The following BRD4 variants were observed in gnomAD, a reference collection of about 807,000 sequenced individuals.
BRD4 encodes bromodomain-containing protein 4.
BRD4 carries 16 observed loss-of-function variants against 142.1 expected under a neutral mutation model. That is an observed-to-expected ratio of 0.11 (90% CI 0.08 to 0.17). The LOEUF is 0.17. Among genes scored for constraint, BRD4 ranks in the 10% least tolerant of loss-of-function variants. BRD4 has a pLI of 1.00. For synonymous variants in BRD4, 833 were observed against 707.5 expected, an observed-to-expected ratio of 1.18 and a Z score of -2.82; for missense variants, 1,424 against 1,810.9, an observed-to-expected ratio of 0.79 and a Z score of 3.88.
chr19:15,321,391 T>C (rs1165868765), intron 1 of BRD4, among the ~76,000 whole-genome samples: 1 of 150,772 alleles, frequency 6.6e-6, no homozygotes, highest in Non-Finnish European at 1.5e-5. Flanking sequence ...GAGCTACCAC[T>C]TGGGTTGAGG....
chr19:15,323,763 C>A (rs2048084777), intron 1 of BRD4, among the ~76,000 whole-genome samples: 1 of 152,164 alleles, frequency 6.6e-6, no homozygotes, highest in African/African-American at 2.4e-5. Context: ...GAGTTTCAGC[C>A]TTGAGTGGAG....
chr19:15,295,526 T>C (rs1472605476), intron 1 of BRD4, among the ~76,000 whole-genome samples: 1 of 152,210 alleles, frequency 6.6e-6, no homozygotes, highest in Non-Finnish European at 1.5e-5. Context: ...ATCTACTTAA[T>C]GCTGAGAAAC....
At chr19:15,305,630 CA>C (rs1195792021) in intron 1 of BRD4, among the ~76,000 whole-genome samples, 1 of 152,158 alleles carries the variant, frequency 6.6e-6, no homozygotes, top group Non-Finnish European at 1.5e-5. Flanking sequence ...GTAGATTTAG[CA>C]TAATTTAGAT....
chr19:15,318,733 A>G (rs1243273947), intron 1 of BRD4, among the ~76,000 whole-genome samples: 1 of 152,208 alleles, frequency 6.6e-6, no homozygotes, highest in Non-Finnish European at 1.5e-5. Context: ...CTCCATACCA[A>G]CAGCAAATCA....
intron 11 of BRD4, among the ~76,000 whole-genome samples, chr19:15,252,386 G>A (rs1253687196): frequency 6.6e-6 from 1 of 152,250 alleles, no homozygotes; most frequent in Non-Finnish European, 1.5e-5. Flanking sequence ...CAGATGAGAA[G>A]ACTACAAAAC....
chr19:15,300,956 G>GA (rs2047862173), intron 1 of BRD4, among the ~76,000 whole-genome samples: 1 of 152,184 alleles, frequency 6.6e-6, no homozygotes, highest in South Asian at 2.1e-4. Flanking sequence ...AGAAAAACAT[G>GA]TTCACACAAA....
intron 1 of BRD4, among the ~76,000 whole-genome samples, chr19:15,293,776 A>T (rs1159155917): frequency 6.6e-6 from 1 of 152,198 alleles, no homozygotes; most frequent in Non-Finnish European, 1.5e-5. Context: ...CTTTTGCATC[A>T]TTCCAAAAAG....
At chr19:15,303,834 T>A (rs538123278) in intron 1 of BRD4, among the ~76,000 whole-genome samples, 1 of 152,160 alleles carries the variant, frequency 6.6e-6, no homozygotes, top group Non-Finnish European at 1.5e-5. Flanking sequence ...TTTTTAAGTA[T>A]CAACATTACA....
At chr19:15,244,174 T>A (rs2145515058) in intron 13 of BRD4, 57 bp downstream of exon 13, 2 of 1,535,324 alleles carry the variant, frequency 1.3e-6, no homozygotes, top group East Asian at 2.4e-5. Flanking sequence ...GGACACCACA[T>A]GGGTAAACCG....
At chr19:15,244,159 T>C (rs1025502741) in intron 13 of BRD4, 72 bp downstream of exon 13, 7 of 1,533,636 alleles carry the variant, frequency 4.6e-6, no homozygotes, top group Middle Eastern at 2.3e-4. Context: ...CCAGCCAGAG[T>C]GCTCGGACAC....
intron 2 of BRD4, among the ~76,000 whole-genome samples, chr19:15,272,030 A>G (rs2047593596): frequency 1.4e-5 from 2 of 144,434 alleles, no homozygotes; most frequent in Admixed American, 1.4e-4. Flanking sequence ...GGCAAACAGC[A>G]AAGGACAATT....
intron 1 of BRD4, among the ~76,000 whole-genome samples, chr19:15,329,482 T>C (rs900174934): frequency 3.9e-5 from 6 of 152,192 alleles, no homozygotes; most frequent in Admixed American, 6.5e-5. Context: ...GGCTCATGCC[T>C]GTAAACCCAG....
At chr19:15,309,682 ATAGT>A (rs1212229498) in intron 1 of BRD4, among the ~76,000 whole-genome samples, 2 of 152,236 alleles carry the variant, frequency 1.3e-5, no homozygotes, top group Non-Finnish European at 2.9e-5. Flanking sequence ...TGATGAACGG[ATAGT>A]GTCATTTCTA....
chr19:15,316,459 C>T lies in BRD4; in HGVS notation c.-35+15831G>A, dbSNP rs184224984. Reference sequence around the variant, plus strand: ...ACAAAAAAACAGTCGGGCATGGTGGCGCATGCCTGTAATCCCAGCAACTCA... The same window carrying T: ...ACAAAAAAACAGTCGGGCATGGTGGTGCATGCCTGTAATCCCAGCAACTCA... On this transcript the variant is annotated intron_variant, in intron 1 of 19. Coordinates refer to ENST00000679869, the MANE Select transcript of BRD4 (RefSeq NM_001379291.1). 6.6e-5 allele frequency among the ~76,000 whole-genome samples: 10 copies of T among 152,116 alleles called. No homozygotes were observed. The East Asian group carries it at 1.7e-3, about 27-fold the overall frequency.
intron 1 of BRD4, among the ~76,000 whole-genome samples, chr19:15,273,531 T>G (rs948808943): frequency 6.6e-6 from 1 of 152,180 alleles, no homozygotes; most frequent in Non-Finnish European, 1.5e-5. Context: ...ATGTGCAGGC[T>G]CCCACATATG....
intron 1 of BRD4, among the ~76,000 whole-genome samples, chr19:15,298,044 T>C (rs1413864664): frequency 1.3e-5 from 2 of 152,216 alleles, no homozygotes; most frequent in South Asian, 2.1e-4. Flanking sequence ...ATGGCCTGCC[T>C]CACAAGGGTT....
chr19:15,319,801 T>G (rs1239591478), intron 1 of BRD4, among the ~76,000 whole-genome samples: 1 of 151,646 alleles, frequency 6.6e-6, no homozygotes, highest in Non-Finnish European at 1.5e-5. Flanking sequence ...ATGAGTGTGG[T>G]GGCCCACACC....
intron 1 of BRD4, among the ~76,000 whole-genome samples, chr19:15,308,497 C>T (rs573259696): frequency 1.3e-5 from 2 of 149,744 alleles, no homozygotes; most frequent in Non-Finnish European, 3.0e-5. Context: ...TGAGGCAGAA[C>T]AATCGCTTGA....
At position 15,236,636 on chromosome 19, in the gene BRD4, C is replaced by G. The variant is rs1276463496; in HGVS notation, c.*1741G>C. On this transcript the variant is annotated 3_prime_UTR_variant, in exon 20 of 20. Transcript: ENST00000679869. ...GGTCCACAAGGATGGGTACCGGGCT[C>G]TGCGTCACAGCTTCAGCTTGGGGTG... The G allele has an allele frequency of 1.3e-5, 2 of 159,222 alleles. No individual in the cohort carries two copies. Among genetic ancestry groups the G allele is most frequent in the African/African-American group, 4.8e-5 (2 of 41,532 alleles). The allele number at this position is 159,222 out of a possible 1,614,324, so 9.9% of individuals were successfully genotyped here.
Sources: allele counts gnomAD v4.1 joint callset (sites outside exome capture counted in the v4.1 genomes callset), GRCh38; gene constraint gnomAD v4.1.1; transcripts MANE v1.5; gene names NCBI Gene and HGNC (gene_info 2026-07-23, HGNC 2026-07-21).